CLIP1: variants seen among roughly 807,000 people sequenced by gnomAD.
The protein encoded by CLIP1 is CAP-Gly domain containing linker protein 1, also known as CAP-Gly domain-containing linker protein 1.
Under a neutral mutation model 161.6 loss-of-function variants are expected in CLIP1, and 66 were observed. The ratio of observed to expected loss-of-function variants is 0.41; its 90% confidence interval spans 0.33 to 0.50. The LOEUF is 0.50. Ranked by LOEUF, CLIP1 falls within the 20% of genes least tolerant of loss-of-function variation. The probability of loss-of-function intolerance (pLI) is 0.27; values close to 1 mark genes in which losing one functional copy is unlikely to be tolerated. For missense variants in CLIP1, 1,376 were observed against 1,702.0 expected (o/e 0.81, Z 3.37); for synonymous variants, 598 against 626.2 (o/e 0.96, Z 0.67).
intron 4 of CLIP1, among the ~76,000 whole-genome samples, chr12:122,361,843 A>G (rs1313737600): frequency 1.1e-4 from 17 of 152,168 alleles, no homozygotes; most frequent in Admixed American, 1.1e-3. Flanking sequence ...ACAAACAAAT[A>G]AAAAACTCAA....
Position 122,333,037 on chromosome 12 carries a change from A to C in CLIP1, c.2817T>G (p.Asp939Glu). 1 of 1,613,838 alleles carries C rather than the reference A, an allele frequency of 6.2e-7. No homozygotes were observed. The highest frequency in any genetic ancestry group is 8.5e-7 in the Non-Finnish European group (1 of 1,179,852). The stretch of plus-strand genomic sequence containing the variant: ...TCATTTTTGTCAGCTGAGAAGAGTT[A>C]TCTCCTGACATCTTCATTATTTCTG... ...DIAEIMKMSG[D>E]NSSQLTKMND... Residue 939 changes from aspartate (D) to glutamate (E), a missense_variant, in exon 15 of 26, where the codon GAT becomes GAG. This residue lies in a region of CLIP1 where 948 missense variants were observed against 1,134.8 expected (regional missense o/e 0.84). Transcript: ENST00000620786.
At chr12:122,277,967 A>G in intron 24 of CLIP1, 187 bp downstream of exon 24, 1 of 619,752 alleles carries the variant, frequency 1.6e-6, no homozygotes, top group South Asian at 2.0e-5. Flanking sequence ...GAAGAGAGAG[A>G]AGGTTTGGAG....
intron 20 of CLIP1, among the ~76,000 whole-genome samples, chr12:122,308,502 G>A (rs1247833379): frequency 6.6e-6 from 1 of 152,190 alleles, no homozygotes; most frequent in African/African-American, 2.4e-5. Context: ...AAAGGAGAGT[G>A]CAGTGACCCT....
At chr12:122,337,196 CCAA>C (rs1952268965) in intron 11 of CLIP1, among the ~76,000 whole-genome samples, 1 of 151,584 alleles carries the variant, frequency 6.6e-6, no homozygotes, top group South Asian at 2.1e-4. Context: ...GCCTGTAATC[CCAA>C]CACTTTGGGA....
At chr12:122,333,175 G>C in intron 14 of CLIP1, 32 bp from the exon 15 acceptor site, 1 of 1,550,216 alleles carries the variant, frequency 6.5e-7, no homozygotes, top group Non-Finnish European at 8.8e-7. Flanking sequence ...GAATAGCACG[G>C]CTGTGTTATA....
intron 20 of CLIP1, among the ~76,000 whole-genome samples, chr12:122,296,231 A>C (rs1475255005): frequency 6.6e-6 from 1 of 152,228 alleles, no homozygotes; most frequent in Non-Finnish European, 1.5e-5. Flanking sequence ...GGAGGATAAG[A>C]GAACCTTTTG....
chr12:122,380,137 G>C (rs1170703871), intron 2 of CLIP1, among the ~76,000 whole-genome samples: 2 of 151,478 alleles, frequency 1.3e-5, no homozygotes, highest in African/African-American at 4.9e-5. Context: ...CAGCTACTTG[G>C]GAGGCTGAGG....
intron 4 of CLIP1, among the ~76,000 whole-genome samples, chr12:122,362,193 C>G (rs1953871358): frequency 6.6e-6 from 1 of 151,246 alleles, no homozygotes; most frequent in African/African-American, 2.4e-5. Context: ...ATCTCGTGAT[C>G]TGCCCACCTT....
At chr12:122,356,967 T>A (rs1016895294) in intron 5 of CLIP1, among the ~76,000 whole-genome samples, 1 of 152,160 alleles carries the variant, frequency 6.6e-6, no homozygotes, top group Non-Finnish European at 1.5e-5. Flanking sequence ...TGGAGTGCAG[T>A]AGCGTGATCT....
chr12:122,417,657 C>A (rs1956802153), intron 1 of CLIP1, among the ~76,000 whole-genome samples: 1 of 151,896 alleles, frequency 6.6e-6, no homozygotes, highest in Admixed American at 6.6e-5. Flanking sequence ...GGACTACAGG[C>A]ACCCGCCACC....
At chr12:122,348,618 G>A (rs1223021796) in intron 9 of CLIP1, among the ~76,000 whole-genome samples, 2 of 152,156 alleles carry the variant, frequency 1.3e-5, no homozygotes, top group African/African-American at 2.4e-5. Flanking sequence ...AAATAATCTA[G>A]GTCCAAATGT....
chr12:122,382,952 TACTGTCAG>T (rs1464273500), intron 1 of CLIP1, among the ~76,000 whole-genome samples: 1 of 152,156 alleles, frequency 6.6e-6, no homozygotes, highest in East Asian at 1.9e-4. Context: ...CCACCTGCTT[TACTGTCAG>T]ACTCTCACCA....
intron 21 of CLIP1, among the ~76,000 whole-genome samples, chr12:122,287,199 A>C (rs1212306428): frequency 1.3e-5 from 2 of 152,092 alleles, no homozygotes; most frequent in African/African-American, 2.4e-5. Context: ...AAAAAGAAAA[A>C]AGAAAATGCA....
intron 11 of CLIP1, among the ~76,000 whole-genome samples, chr12:122,338,985 T>C (rs1377998679): frequency 6.6e-6 from 1 of 152,166 alleles, no homozygotes; most frequent in Non-Finnish European, 1.5e-5. Flanking sequence ...ATCACAACCC[T>C]TCCTTCTTTG....
chr12:122,330,158 G>T (rs897130993), intron 15 of CLIP1, among the ~76,000 whole-genome samples: 3 of 152,018 alleles, frequency 2.0e-5, no homozygotes, highest in Admixed American at 6.6e-5. Flanking sequence ...TGTTGATCAA[G>T]AAAACAGACT....
chr12:122,282,084 C>A (rs1955670394), intron 21 of CLIP1, among the ~76,000 whole-genome samples: 1 of 152,182 alleles, frequency 6.6e-6, no homozygotes, highest in Admixed American at 6.5e-5. Context: ...AAGGAGATCG[C>A]TGCCAGAATG....
At chr12:122,289,545 G>C (rs947921226) in intron 20 of CLIP1, among the ~76,000 whole-genome samples, 10 of 152,084 alleles carry the variant, frequency 6.6e-5, no homozygotes, top group Non-Finnish European at 1.0e-4. Context: ...TACTCTCTGT[G>C]GGCCTCAATG....
At position 122,272,703 on chromosome 12, in the gene CLIP1, C is replaced by G; in HGVS notation, c.*172G>C. Reference sequence around the variant, plus strand: ...CTACTAAATATTTATTATTCTAACTCATACGGGGAGACTAAAGGGCAATTT... The same window carrying G: ...CTACTAAATATTTATTATTCTAACTGATACGGGGAGACTAAAGGGCAATTT... On this transcript the variant is annotated 3_prime_UTR_variant, in exon 26 of 26. Transcript: ENST00000620786. The G allele has an allele frequency of 1.6e-6, 1 of 616,826 alleles. No homozygotes were observed. Among genetic ancestry groups the G allele is most frequent in the Non-Finnish European group, 2.9e-6 (1 of 343,808 alleles). 38.2% of individuals were successfully genotyped at this position (616,826 alleles called of 1,614,324 possible).
At chr12:122,305,463 C>T (rs543892975) in intron 20 of CLIP1, among the ~76,000 whole-genome samples, 2 of 152,232 alleles carry the variant, frequency 1.3e-5, no homozygotes, top group East Asian at 3.9e-4. Flanking sequence ...GTATAGTTTC[C>T]ATTAATCTTA....
Sources: allele counts gnomAD v4.1 joint callset (sites outside exome capture counted in the v4.1 genomes callset), GRCh38; gene constraint gnomAD v4.1.1; regional missense constraint gnomAD v4.1.1; transcripts MANE v1.5; gene names NCBI Gene and HGNC (gene_info 2026-07-23, HGNC 2026-07-21).